TARS2: variants seen among roughly 807,000 people sequenced by gnomAD.
TARS2 encodes the protein threonyl-tRNA synthetase 2, mitochondrial, also known as threonine--tRNA ligase, mitochondrial.
In TARS2, 61 loss-of-function variants were observed where a neutral mutation model predicts 94.4. The ratio of observed to expected loss-of-function variants is 0.65; its 90% CI spans 0.53 to 0.80. The LOEUF is 0.80. Ranked by LOEUF, TARS2 falls within the 30% of genes least tolerant of loss-of-function variation. The pLI, the probability that TARS2 is intolerant of heterozygous loss-of-function variation, is 0.00. For missense variants in TARS2, 704 were observed against 902.5 expected (o/e 0.78, Z 2.82); for synonymous variants, 359 against 353.4 (o/e 1.02, Z -0.18).
intron 16 of TARS2, among the ~76,000 whole-genome samples, chr1:150,505,332 A>G (rs951681666): frequency 9.9e-5 from 15 of 152,198 alleles, no homozygotes; most frequent in African/African-American, 3.6e-4. Context: ...TGGGTAGAGC[A>G]GTGGCTAGAA....
intron 13 of TARS2, among the ~76,000 whole-genome samples, chr1:150,503,631 A>ATATG (rs1670049073): frequency 1.3e-5 from 1 of 79,506 alleles, no homozygotes; most frequent in African/African-American, 3.3e-5. Flanking sequence ...GTGTGTATAT[A>ATATG]TGTGTGTGTA....
chr1:150,506,730 A>G (rs1670241302), intron 17 of TARS2, among the ~76,000 whole-genome samples, 186 bp from the exon 18 acceptor site: 1 of 151,978 alleles, frequency 6.6e-6, no homozygotes, highest in African/African-American at 2.4e-5. Flanking sequence ...TTGTCTCCTC[A>G]GGATGAGCAG....
chr1:150,490,837 C>A (rs906774666), intron 4 of TARS2, 112 bp downstream of exon 4: 111 of 1,483,824 alleles, frequency 7.5e-5, no homozygotes, highest in Non-Finnish European at 9.8e-5. Flanking sequence ...AAGGGTTTCT[C>A]TAGGTCTCAA....
At position 150,487,915 on chromosome 1, in the gene TARS2, C is replaced by T. The variant is rs1193528440; in HGVS notation, c.124C>T (p.Leu42=). 4 of 1,613,816 alleles carry T rather than the reference C, an allele frequency of 2.5e-6. No individual in the cohort carries two copies. Among genetic ancestry groups the T allele is most frequent in the Non-Finnish European group, 3.4e-6 (4 of 1,180,030 alleles). Residue 42 remains leucine, a synonymous_variant, in exon 2 of 18, where the codon CTG becomes TTG. Coordinates refer to ENST00000369064, the MANE Select transcript of TARS2 (RefSeq NM_025150.5). Reference sequence around the variant, plus strand: ...AGAGCGGCTTGGCCTTTTTGAGGAGCTGTGGGCTGCTCAGGTAAAGAGATT... The same window carrying T: ...AGAGCGGCTTGGCCTTTTTGAGGAGTTGTGGGCTGCTCAGGTAAAGAGATT... ...LAERLGLFEE[L]WAAQVKRLAS... is the part of the protein sequence containing the mutation.
At chr1:150,505,097 C>T (rs1570871805) in intron 16 of TARS2, 119 bp downstream of exon 16, 1 of 964,182 alleles carries the variant, frequency 1.0e-6, no homozygotes. Flanking sequence ...CTCACAGCCA[C>T]AAGACTGGGC....
Position 150,496,898 on chromosome 1 carries a change from C to A in TARS2, c.1010C>A (p.Ala337Glu). 1 of 1,613,828 alleles carries A rather than the reference C, an allele frequency of 6.2e-7. No homozygotes were observed. ...ACAAGGGTGTATAATGCACTAGTGG[C>A]GTTTATCAGGGTAAGGGGACCCAGG... is the stretch of plus-strand genomic sequence containing the variant. Reference protein sequence around the residue: ...RGTRVYNALVAFIRAEYAHRG... With the variant: ...RGTRVYNALVEFIRAEYAHRG... Residue 337 changes from alanine to glutamate, a missense_variant, in exon 9 of 18, where the codon GCG becomes GAG. Ala to Glu is a moderately radical substitution (Grantham distance 107). Transcript: ENST00000369064.
At chr1:150,488,227 G>A (rs1366660886) in intron 2 of TARS2, 173 bp downstream of exon 2, 5 of 708,090 alleles carry the variant, frequency 7.1e-6, no homozygotes, top group South Asian at 4.2e-5. Context: ...TACAGACGGG[G>A]TCTCTCCATG....
chr1:150,495,534 T>C (rs954363217), intron 7 of TARS2, among the ~76,000 whole-genome samples: 1 of 147,032 alleles, frequency 6.8e-6, no homozygotes, highest in African/African-American at 2.5e-5. Context: ...GTAGCTGGGT[T>C]ACAGGCACGT....
Position 150,487,885 on chromosome 1 carries a change from T to A in TARS2, c.94T>A (p.Leu32Met). 6.2e-7 allele frequency: 1 copy of A among 1,613,412 alleles called. No homozygotes were observed. Among genetic ancestry groups the A allele is most frequent in the South Asian group, 1.1e-5 (1 of 91,042 alleles). The change falls in exon 2 of 18, where the codon TTG (leucine) becomes ATG (methionine). Residue 32 changes from leucine to methionine, a missense_variant. Coordinates refer to ENST00000369064, the MANE Select transcript of TARS2 (RefSeq NM_025150.5). ...AGTTGTGTCGACCCCTCCACGCTGGTTGGCAGAGCGGCTTGGCCTTTTTGA... is the reference window on the plus strand; with the variant it reads ...AGTTGTGTCGACCCCTCCACGCTGGATGGCAGAGCGGCTTGGCCTTTTTGA... ...TAVVSTPPRW[L>M]AERLGLFEEL...
intron 2 of TARS2, 124 bp downstream of exon 2, chr1:150,488,178 C>A: frequency 8.6e-7 from 1 of 1,160,766 alleles, no homozygotes; most frequent in Non-Finnish European, 1.2e-6. Context: ...ATAGCCTTTC[C>A]TGAAGATTTT....
chr1:150,499,840 G>A (rs1439591796), intron 13 of TARS2, among the ~76,000 whole-genome samples: 4 of 151,942 alleles, frequency 2.6e-5, no homozygotes, highest in South Asian at 2.1e-4. Flanking sequence ...AGCATTACTC[G>A]GGGAGGTTAC....
intron 7 of TARS2, among the ~76,000 whole-genome samples, chr1:150,492,895 T>A (rs1029209570): frequency 6.6e-6 from 1 of 151,240 alleles, no homozygotes; most frequent in Non-Finnish European, 1.5e-5. Flanking sequence ...CCCCCCTTTT[T>A]TTTTTTTGAG....
chr1:150,497,655 C>G lies in TARS2; in HGVS notation c.1146C>G (p.Gly382=), dbSNP rs776978654. 5.6e-6 allele frequency: 9 copies of G among 1,614,070 alleles called. No individual in the cohort carries two copies. Among genetic ancestry groups the G allele is most frequent in the Non-Finnish European group, 7.6e-6 (9 of 1,180,048 alleles). The change falls in exon 10 of 18, where the codon GGC becomes GGG. Residue 382 remains glycine, a synonymous_variant. Transcript: ENST00000369064. ...ACATGTTTGCCGTGCAGCCCCCAGG[C>G]TCTGACAGGCCTCCCAGCTCCCAGA... ...QEDMFAVQPP[G]SDRPPSSQSD...
Position 150,496,477 on chromosome 1 carries a change from C to T in TARS2, c.775-5C>T, listed in dbSNP as rs764253923. On this transcript the variant is annotated splice_polypyrimidine_tract_variant and splice_region_variant and intron_variant, in intron 7 of 17. Coordinates refer to ENST00000369064, the MANE Select transcript of TARS2 (RefSeq NM_025150.5). ...TTTCCTTTGATCCCCTATGTCCTCA[C>T]ACAGAACTCATCATCCTTATGGAGG... 1.2e-6 allele frequency: 2 copies of T among 1,609,156 alleles called. No homozygotes were observed. The highest frequency in any genetic ancestry group is 1.7e-6 in the Non-Finnish European group (2 of 1,176,636).
chr1:150,492,411 G>C lies in TARS2; in HGVS notation c.696G>C (p.Gly232=). ...CTAACTGGCCTCTTCTTTCTCCTAG[G>C]TGTGGCACATTGGTTGACCTTTGCC... The part of the protein sequence containing the change: ...KVTGPTATVY[G]CGTLVDLCQG... Residue 232 remains glycine, a splice_region_variant and synonymous_variant, in exon 7 of 18, where the codon GGG becomes GGC. Coordinates refer to ENST00000369064, the MANE Select transcript of TARS2 (RefSeq NM_025150.5). 6.2e-7 allele frequency: 1 copy of C among 1,613,914 alleles called. No individual in the cohort carries two copies. Among genetic ancestry groups the C allele is most frequent in the Non-Finnish European group, 8.5e-7 (1 of 1,179,910 alleles).
rs1669349155 is a variant in TARS2, at chr1:150,490,826, G to T, written c.512+101G>T. On this transcript the variant is annotated intron_variant, in intron 4 of 17. Transcript: ENST00000369064. ...CCATTTGGATGAGGAAGCTGGAGGAGAAGGGTTTCTCTAGGTCTCAACTAT... is the reference window on the plus strand; with the variant it reads ...CCATTTGGATGAGGAAGCTGGAGGATAAGGGTTTCTCTAGGTCTCAACTAT... 1.0e-5 allele frequency: 16 copies of T among 1,544,848 alleles called. No homozygotes were observed. In the South Asian group the frequency reaches 1.7e-4, roughly 17 times the overall value.
At chr1:150,499,063 G>C in intron 12 of TARS2, 29 bp downstream of exon 12, 7 of 1,614,056 alleles carry the variant, frequency 4.3e-6, no homozygotes, top group Non-Finnish European at 5.9e-6. Flanking sequence ...AATAGAGGCA[G>C]ATAAACCACT....
rs1430371075 is a variant in TARS2 at position 150,499,230 on chromosome 1, C to T, written c.1554C>T (p.Ala518=). 7 of 1,613,926 alleles carry T rather than the reference C, an allele frequency of 4.3e-6. No individual in the cohort carries two copies. Among genetic ancestry groups the T allele is most frequent in the Non-Finnish European group, 5.9e-6 (7 of 1,179,996 alleles). Residue 518 remains alanine (A), a synonymous_variant, in exon 13 of 18, where the codon GCC becomes GCT. Coordinates refer to ENST00000369064, the MANE Select transcript of TARS2 (RefSeq NM_025150.5). Reference sequence around the variant, plus strand: ...TTCCTTCAAAGGTCCTTAAACAGGCCCTGAAGGAATTTGGAGAACCCTGGG... The same window carrying T: ...TTCCTTCAAAGGTCCTTAAACAGGCTCTGAAGGAATTTGGAGAACCCTGGG... ...WDQAEQVLKQ[A]LKEFGEPWDL... is the part of the protein sequence containing the mutation.
At chr1:150,490,359 TC>T (rs1321417053) in intron 3 of TARS2, among the ~76,000 whole-genome samples, 1 of 152,078 alleles carries the variant, frequency 6.6e-6, no homozygotes, top group African/African-American at 2.4e-5. Context: ...CCTCAGATGA[TC>T]CGCCTGCCTT....
Sources: allele counts gnomAD v4.1 joint callset (sites outside exome capture counted in the v4.1 genomes callset), GRCh38; gene constraint gnomAD v4.1.1; transcripts MANE v1.5; gene names NCBI Gene and HGNC (gene_info 2026-07-23, HGNC 2026-07-21).